CENPP: variants seen among roughly 807,000 people sequenced by gnomAD.
The protein encoded by CENPP is centromere protein P.
Under a neutral mutation model 35.6 loss-of-function variants are expected in CENPP, and 24 were observed. The observed-to-expected ratio is 0.67, with a 90% CI of 0.49 to 0.95. The LOEUF (loss-of-function observed/expected upper bound fraction) is 0.95, where lower values mean the gene tolerates loss of function less well. Ranked by LOEUF, CENPP falls within the 40% of genes least tolerant of loss-of-function variation. CENPP has a pLI of 0.00. For missense variants in CENPP, 332 were observed against 345.3 expected (o/e 0.96, Z 0.31); for synonymous variants, 120 against 125.5 (o/e 0.96, Z 0.29).
At chr9:92,465,139 A>G (rs958900517) in intron 5 of CENPP, 6 of 758,218 alleles carry the variant, frequency 7.9e-6, no homozygotes. Context: ...CGTGAGCTTC[A>G]TCCTTTAGGC....
At chr9:92,447,077 C>T (rs969012662) in intron 5 of CENPP, among the ~76,000 whole-genome samples, 1 of 152,026 alleles carries the variant, frequency 6.6e-6, no homozygotes, top group African/African-American at 2.4e-5. Context: ...CTTAACTTTT[C>T]CTCTTTAACA....
rs558566353 is a variant in CENPP at position 92,435,503 on chromosome 9, T to A, written c.564+55644T>A. Among the ~76,000 whole-genome samples, 4 of 152,330 alleles carry A rather than the reference T, an allele frequency of 2.6e-5. No individual in the cohort carries two copies. The South Asian group carries it at 8.3e-4, about 32-fold the overall frequency. On this transcript the variant is annotated intron_variant, in intron 5 of 7. Coordinates refer to ENST00000375587, the MANE Select transcript of CENPP (RefSeq NM_001012267.3). ...GGATATTGAGGTTGAGATAGTAGAATTACAGAACATTTTTATCCCTGCAAG... is the reference window on the plus strand; with the variant it reads ...GGATATTGAGGTTGAGATAGTAGAAATACAGAACATTTTTATCCCTGCAAG...
rs1048786444 is a variant in CENPP, at chr9:92,619,051, G to A, written c.*5902G>A. On this transcript the variant is annotated 3_prime_UTR_variant, in exon 8 of 8. Transcript: ENST00000375587. The stretch of plus-strand genomic sequence containing the variant: ...TCAGAAGAGGAAGCAGAATGAATGC[G>A]CGCCTCACAGGCTTTCAAATGACTG... The A allele has an allele frequency of 5.7e-5, 13 of 228,330 alleles. No individual in the cohort carries two copies. Among genetic ancestry groups the A allele is most frequent in the African/African-American group, 2.3e-4 (10 of 44,308 alleles). 14.1% of individuals were successfully genotyped at this position (228,330 alleles called of 1,614,324 possible).
intron 5 of CENPP, among the ~76,000 whole-genome samples, chr9:92,391,904 A>G (rs1442384732): frequency 1.3e-5 from 2 of 152,202 alleles, no homozygotes; most frequent in Non-Finnish European, 1.5e-5. Flanking sequence ...GAATCCACAA[A>G]TAACAAGGAT....
intron 5 of CENPP, among the ~76,000 whole-genome samples, chr9:92,596,445 C>T (rs1346164610): frequency 2.8e-5 from 2 of 72,010 alleles, no homozygotes; most frequent in Non-Finnish European, 5.0e-5. Context: ...GACCCTGTGT[C>T]AAAAAAAAAA....
chr9:92,543,462 A>ATC (rs976675692), intron 5 of CENPP, among the ~76,000 whole-genome samples: 2 of 132,606 alleles, frequency 1.5e-5, no homozygotes, highest in Non-Finnish European at 3.2e-5. Context: ...ACAGAGTGAA[A>ATC]CCCTGTCTCA....
chr9:92,417,610 G>C (rs1843657543), intron 5 of CENPP: 19 of 1,099,710 alleles, frequency 1.7e-5, no homozygotes, highest in Non-Finnish European at 2.5e-5. Flanking sequence ...TGTGGAGAAA[G>C]TGAGTAAACT....
chr9:92,416,938 G>T (rs760346396), intron 5 of CENPP: 4 of 1,613,848 alleles, frequency 2.5e-6, no homozygotes, highest in Middle Eastern at 1.6e-4. Context: ...TTTTGGCAAA[G>T]ATTTTGTCTT....
At chr9:92,546,562 C>T (rs1327649865) in intron 5 of CENPP, among the ~76,000 whole-genome samples, 1 of 152,068 alleles carries the variant, frequency 6.6e-6, no homozygotes, top group Admixed American at 6.6e-5. Flanking sequence ...CAGCTTCACT[C>T]CTGAGCCAGC....
intron 5 of CENPP, among the ~76,000 whole-genome samples, chr9:92,482,948 T>C (rs1343085722): frequency 1.3e-5 from 2 of 151,894 alleles, no homozygotes; most frequent in Admixed American, 6.6e-5. Flanking sequence ...TGCTATAGCA[T>C]GTCAGGGAAA....
At chr9:92,498,017 T>C (rs992919006) in intron 5 of CENPP, among the ~76,000 whole-genome samples, 1 of 152,156 alleles carries the variant, frequency 6.6e-6, no homozygotes, top group African/African-American at 2.4e-5. Flanking sequence ...CAGATGCCAG[T>C]GCCGTGCTAC....
intron 5 of CENPP, among the ~76,000 whole-genome samples, chr9:92,468,395 C>T (rs1160674335): frequency 6.6e-6 from 1 of 152,100 alleles, no homozygotes; most frequent in South Asian, 2.1e-4. Flanking sequence ...CATTAACAAA[C>T]AGTGTAAGGA....
chr9:92,578,018 C>T (rs1432740764), intron 5 of CENPP, among the ~76,000 whole-genome samples: 3 of 141,560 alleles, frequency 2.1e-5, no homozygotes, highest in African/African-American at 7.9e-5. Context: ...TCTCATTGTT[C>T]AGTTCCCACC....
At chr9:92,436,753 A>C (rs1844254186) in intron 5 of CENPP, among the ~76,000 whole-genome samples, 1 of 152,136 alleles carries the variant, frequency 6.6e-6, no homozygotes, top group Non-Finnish European at 1.5e-5. Flanking sequence ...TGTCTTCCTG[A>C]CAACACCACC....
Position 92,616,282 on chromosome 9 carries a change from C to G in CENPP, c.*3133C>G. The G allele has an allele frequency of 2.1e-6, 1 of 485,348 alleles. No homozygotes were observed. The allele number at this position is 485,348 out of a possible 1,614,324, so 30.1% of individuals were successfully genotyped here. A position where few individuals can be genotyped will look rare whatever the true frequency, so the allele number is the denominator to read the frequency against. On this transcript the variant is annotated 3_prime_UTR_variant, in exon 8 of 8. Coordinates refer to ENST00000375587, the MANE Select transcript of CENPP (RefSeq NM_001012267.3). ...CACCTGTGATCTGTGCGTGTGACAG[C>G]TGTCTGTGCCGGCTGTGTGCACCAG...
chr9:92,353,852 T>A (rs1481986327), intron 4 of CENPP, among the ~76,000 whole-genome samples: 1 of 152,202 alleles, frequency 6.6e-6, no homozygotes, highest in Non-Finnish European at 1.5e-5. Context: ...ATCTTGGCTA[T>A]GGAAGAAACA....
chr9:92,362,893 A>G (rs1383451143), intron 4 of CENPP, among the ~76,000 whole-genome samples: 1 of 152,010 alleles, frequency 6.6e-6, no homozygotes, highest in Non-Finnish European at 1.5e-5. Flanking sequence ...TTTTTTTCCA[A>G]CGATTTATAA....
chr9:92,326,095 T>G lies in CENPP; in HGVS notation c.97T>G (p.Ser33Ala). The change falls in exon 1 of 8, where the codon TCC becomes GCC. Residue 33 changes from serine (S) to alanine (A), a missense_variant. Transcript: ENST00000375587. ...CCCACCGGCGCCCTGGGAAGAGAAG[T>G]CCCGAGTCCAGTACGTGACCACCCC... is the stretch of plus-strand genomic sequence containing the variant. ...EDPPAPWEEKSRVQKSFQAIH... is the reference protein window; with the variant it reads ...EDPPAPWEEKARVQKSFQAIH... The G allele has an allele frequency of 6.5e-7, 1 of 1,549,756 alleles. No individual in the cohort carries two copies. The highest frequency in any genetic ancestry group is 1.2e-5 in the South Asian group (1 of 83,782).
At chr9:92,601,124 G>C (rs1012227874) in intron 5 of CENPP, among the ~76,000 whole-genome samples, 1 of 152,186 alleles carries the variant, frequency 6.6e-6, no homozygotes, top group African/African-American at 2.4e-5. Flanking sequence ...GTTTACAGGA[G>C]GCAATTCAGC....
Sources: allele counts gnomAD v4.1 joint callset (sites outside exome capture counted in the v4.1 genomes callset), GRCh38; gene constraint gnomAD v4.1.1; transcripts MANE v1.5; gene names NCBI Gene and HGNC (gene_info 2026-07-23, HGNC 2026-07-21).